The following TMEM132C variants were observed in gnomAD, a reference collection of about 807,000 sequenced individuals.
TMEM132C encodes transmembrane protein 132C, also known as protein phosphatase 1, regulatory subunit 152.
Under a neutral mutation model 61.4 loss-of-function variants are expected in TMEM132C, and 29 were observed. The observed-to-expected ratio is 0.47, with a 90% CI of 0.35 to 0.64. The LOEUF is 0.64. Ranked by LOEUF, TMEM132C falls within the 30% of genes least tolerant of loss-of-function variation. The pLI is 0.00. For missense variants in TMEM132C, 1,408 were observed against 1,476.9 expected, an observed-to-expected ratio of 0.95 and a Z score of 0.76; for synonymous variants, 656 against 633.1, an observed-to-expected ratio of 1.04 and a Z score of -0.54.
intron 1 of TMEM132C, among the ~76,000 whole-genome samples, chr12:128,345,087 C>T (rs1873108906): frequency 6.6e-6 from 1 of 152,000 alleles, no homozygotes; most frequent in African/African-American, 2.4e-5. Context: ...TAACAGGCCT[C>T]AGTGTGTGTT....
intron 1 of TMEM132C, among the ~76,000 whole-genome samples, chr12:128,313,540 C>T (rs1037755967): frequency 6.6e-6 from 1 of 152,156 alleles, no homozygotes; most frequent in Non-Finnish European, 1.5e-5. Flanking sequence ...GCTGAGAACA[C>T]GTGTGATAGG....
chr12:128,529,274 G>T (rs2136134072), intron 2 of TMEM132C, among the ~76,000 whole-genome samples: 1 of 152,082 alleles, frequency 6.6e-6, no homozygotes, highest in African/African-American at 2.4e-5. Context: ...CAGCATTCTT[G>T]CCTAGCCATT....
chr12:128,516,061 G>C (rs940051618), intron 2 of TMEM132C, among the ~76,000 whole-genome samples: 1 of 152,154 alleles, frequency 6.6e-6, no homozygotes, highest in Admixed American at 6.5e-5. Context: ...CCATTCAGAA[G>C]GAAGGAGGAA....
At chr12:128,653,677 C>G (rs1044442660) in intron 4 of TMEM132C, among the ~76,000 whole-genome samples, 3 of 152,122 alleles carry the variant, frequency 2.0e-5, no homozygotes, top group African/African-American at 7.2e-5. Context: ...ATGTAAGTGC[C>G]GGCTCATTGG....
intron 1 of TMEM132C, among the ~76,000 whole-genome samples, chr12:128,276,772 C>T (rs114599996): frequency 0.019 from 2,842 of 152,188 alleles, 89 homozygotes; most frequent in African/African-American, 0.064. Context: ...CACTTTGGCA[C>T]GCGGTATTCT....
intron 1 of TMEM132C, among the ~76,000 whole-genome samples, chr12:128,301,766 C>T (rs887835533): frequency 1.3e-5 from 2 of 152,082 alleles, no homozygotes; most frequent in African/African-American, 4.8e-5. Flanking sequence ...TTGTATTAGT[C>T]CATTTTCACG....
chr12:128,479,595 C>T (rs893106392), intron 2 of TMEM132C, among the ~76,000 whole-genome samples: 3 of 152,118 alleles, frequency 2.0e-5, no homozygotes, highest in African/African-American at 4.8e-5. Context: ...ATATTTTGGC[C>T]GCGGCTGCCT....
intron 4 of TMEM132C, among the ~76,000 whole-genome samples, chr12:128,640,991 G>C (rs958535411): frequency 2.0e-5 from 3 of 152,142 alleles, no homozygotes; most frequent in African/African-American, 7.2e-5. Flanking sequence ...TTGGTTTCCA[G>C]TACAAATGCC....
chr12:128,450,383 A>AAG (rs1870137183), intron 2 of TMEM132C, among the ~76,000 whole-genome samples: 1 of 152,112 alleles, frequency 6.6e-6, no homozygotes, highest in African/African-American at 2.4e-5. Context: ...AGTTGCACCA[A>AAG]AGAGAGAGCC....
Position 128,452,845 on chromosome 12 carries a change from T to G in TMEM132C, c.974+37225T>G, listed in dbSNP as rs527520279. ...AATTAAATGGTCATAATTACATATG[T>G]ATCGTTAGGGTGGACTTTCATTTTT... On this transcript the variant is annotated intron_variant, in intron 2 of 8. Transcript: ENST00000435159. Among the ~76,000 whole-genome samples, 29 of 152,328 alleles carry G rather than the reference T, an allele frequency of 1.9e-4. No homozygotes were observed. In the South Asian group the frequency reaches 6.0e-3, roughly 32 times the overall value.
At chr12:128,311,572 A>G (rs1325217688) in intron 1 of TMEM132C, among the ~76,000 whole-genome samples, 1 of 152,218 alleles carries the variant, frequency 6.6e-6, no homozygotes, top group African/African-American at 2.4e-5. Context: ...GATCAAGTCC[A>G]TTAGATTTGC....
At chr12:128,436,524 A>C (rs915198345) in intron 2 of TMEM132C, among the ~76,000 whole-genome samples, 24 of 152,376 alleles carry the variant, frequency 1.6e-4, no homozygotes, top group African/African-American at 5.8e-4. Context: ...ACATTTATGC[A>C]GCCAACAGAC....
intron 1 of TMEM132C, among the ~76,000 whole-genome samples, chr12:128,399,448 A>G (rs1356060029): frequency 1.3e-5 from 2 of 152,302 alleles, no homozygotes; most frequent in East Asian, 1.9e-4. Context: ...ACCATATGCT[A>G]TGTGAGCAGC....
chr12:128,388,679 G>A lies in TMEM132C; in HGVS notation c.86-26053G>A, dbSNP rs867966067. On this transcript the variant is annotated intron_variant, in intron 1 of 8. Transcript: ENST00000435159. ...GCAGGCCCTGCCATCACCTTGCTGT[G>A]GGGGCCACCCCAAAGAGGTACAATC... Among the ~76,000 whole-genome samples the A allele has an allele frequency of 3.3e-5, 5 of 152,330 alleles. No individual in the cohort carries two copies. The South Asian group carries it at 1.0e-3, about 32-fold the overall frequency.
intron 2 of TMEM132C, among the ~76,000 whole-genome samples, chr12:128,472,405 G>A (rs902810141): frequency 6.6e-6 from 1 of 152,166 alleles, no homozygotes; most frequent in Non-Finnish European, 1.5e-5. Context: ...GAAATATTAG[G>A]TTAGTCAACG....
chr12:128,606,165 G>C (rs1876416647), intron 3 of TMEM132C, among the ~76,000 whole-genome samples: 1 of 152,224 alleles, frequency 6.6e-6, no homozygotes. Flanking sequence ...ACCTAATTTA[G>C]CTCAAGCTTC....
chr12:128,311,549 A>G (rs1871963698), intron 1 of TMEM132C, among the ~76,000 whole-genome samples: 1 of 152,216 alleles, frequency 6.6e-6, no homozygotes, highest in South Asian at 2.1e-4. Flanking sequence ...CCATAGTGAC[A>G]GCACCAAATG....
intron 1 of TMEM132C, among the ~76,000 whole-genome samples, chr12:128,304,770 GTGTCCACTCAAAGAGCCCATAGCTT>G (rs1335073969): frequency 6.6e-6 from 1 of 152,198 alleles, no homozygotes; most frequent in Non-Finnish European, 1.5e-5. Context: ...ATTTAGAACT[GTGTCCACTCAAAGAGCCCATAGCTT>G]TGTAGGTTCA....
chr12:128,637,426 A>G (rs533167495), intron 4 of TMEM132C, among the ~76,000 whole-genome samples: 1 of 152,170 alleles, frequency 6.6e-6, no homozygotes, highest in Admixed American at 6.5e-5. Flanking sequence ...ATGGGGCTTG[A>G]CCTCAGTCTA....
Sources: allele counts gnomAD v4.1 joint callset (sites outside exome capture counted in the v4.1 genomes callset), GRCh38; gene constraint gnomAD v4.1.1; transcripts MANE v1.5; gene names NCBI Gene and HGNC (gene_info 2026-07-23, HGNC 2026-07-21).